AUTS2: variants seen among roughly 807,000 people sequenced by gnomAD.
The protein encoded by AUTS2 is autism susceptibility gene 2 protein.
A neutral mutation model predicts 112.4 loss-of-function variants in AUTS2; 17 were observed. The observed-to-expected ratio is 0.15, with a 90% CI of 0.10 to 0.23. The LOEUF (loss-of-function observed/expected upper bound fraction) is 0.23. Among genes scored for constraint, AUTS2 ranks in the 10% least tolerant of loss-of-function variants. The pLI is 1.00. For synonymous variants in AUTS2, 751 were observed against 702.7 expected, an observed-to-expected ratio of 1.07 and a Z score of -1.09; for missense variants, 1,510 against 1,701.6, an observed-to-expected ratio of 0.89 and a Z score of 1.98.
chr7:69,851,699 C>A (rs778204476), intron 1 of AUTS2, among the ~76,000 whole-genome samples: 3 of 152,086 alleles, frequency 2.0e-5, no homozygotes, highest in Non-Finnish European at 1.5e-5. Context: ...GCATACAGGT[C>A]CTATACATCT....
chr7:70,185,391 G>A (rs1809548231), intron 4 of AUTS2, among the ~76,000 whole-genome samples: 1 of 150,458 alleles, frequency 6.6e-6, no homozygotes, highest in Admixed American at 6.7e-5. Context: ...ACAGTTGTGA[G>A]CCACCGCACC....
intron 4 of AUTS2, among the ~76,000 whole-genome samples, chr7:70,336,100 AC>A (rs1162861174): frequency 6.6e-6 from 1 of 152,228 alleles, no homozygotes; most frequent in African/African-American, 2.4e-5. Flanking sequence ...AAGATGATTC[AC>A]AATCTTTTAT....
intron 2 of AUTS2, among the ~76,000 whole-genome samples, chr7:70,019,272 G>C (rs1008499347): frequency 9.2e-5 from 14 of 152,164 alleles, no homozygotes; most frequent in Non-Finnish European, 1.6e-4. Context: ...GAGGGTGGAA[G>C]GTGGGAGGAT....
chr7:69,726,264 G>A (rs1295296979), intron 1 of AUTS2, among the ~76,000 whole-genome samples: 1 of 152,010 alleles, frequency 6.6e-6, no homozygotes, highest in Non-Finnish European at 1.5e-5. Context: ...AGTTTTGCCT[G>A]TTCTTGAATT....
At chr7:69,738,698 T>TTA (rs1787139397) in intron 1 of AUTS2, among the ~76,000 whole-genome samples, 1 of 152,114 alleles carries the variant, frequency 6.6e-6, no homozygotes, top group Admixed American at 6.5e-5. Context: ...TTTGCTTGCG[T>TTA]TATACATGCT....
At chr7:69,828,254 A>G (rs556998807) in intron 1 of AUTS2, among the ~76,000 whole-genome samples, 12 of 152,300 alleles carry the variant, frequency 7.9e-5, no homozygotes, top group African/African-American at 2.9e-4. Flanking sequence ...CTGGCTGGAC[A>G]TGAGGGGAAA....
At chr7:69,841,757 A>G (rs762594554) in intron 1 of AUTS2, among the ~76,000 whole-genome samples, 7 of 152,224 alleles carry the variant, frequency 4.6e-5, no homozygotes, top group East Asian at 1.9e-4. Context: ...CTTAAAAATT[A>G]TAACTGCTGT....
At chr7:70,503,043 C>G (rs1798826953) in intron 5 of AUTS2, among the ~76,000 whole-genome samples, 1 of 152,064 alleles carries the variant, frequency 6.6e-6, no homozygotes, top group Non-Finnish European at 1.5e-5. Context: ...GTTGCAAGTG[C>G]TCCCCAGGGT....
chr7:69,740,676 A>G (rs1787226612), intron 1 of AUTS2, among the ~76,000 whole-genome samples: 1 of 152,092 alleles, frequency 6.6e-6, no homozygotes, highest in Non-Finnish European at 1.5e-5. Context: ...GGCGCCTGCC[A>G]CCATGCCTGG....
intron 4 of AUTS2, among the ~76,000 whole-genome samples, chr7:70,242,832 CAAAA>C (rs991854539): frequency 6.6e-6 from 1 of 151,942 alleles, no homozygotes; most frequent in Non-Finnish European, 1.5e-5. Flanking sequence ...AAGGAATAAG[CAAAA>C]AGAAAGAGAG....
chr7:69,706,122 T>G (rs1442206837), intron 1 of AUTS2, among the ~76,000 whole-genome samples: 3 of 152,210 alleles, frequency 2.0e-5, no homozygotes, highest in African/African-American at 7.2e-5. Flanking sequence ...CTGGCAGTTT[T>G]GTTTCACTCA....
chr7:70,614,561 T>C (rs934185415), intron 5 of AUTS2, among the ~76,000 whole-genome samples: 3 of 152,214 alleles, frequency 2.0e-5, no homozygotes, highest in African/African-American at 7.2e-5. Context: ...GATTGGAACT[T>C]GCTGCAGAGA....
chr7:70,053,688 C>A (rs1801865212), intron 2 of AUTS2, among the ~76,000 whole-genome samples: 2 of 152,048 alleles, frequency 1.3e-5, no homozygotes, highest in African/African-American at 4.8e-5. Flanking sequence ...TACAGGCATG[C>A]ACCACCACAG....
intron 1 of AUTS2, among the ~76,000 whole-genome samples, chr7:69,885,280 C>T (rs765912793): frequency 6.6e-6 from 1 of 152,154 alleles, no homozygotes; most frequent in Non-Finnish European, 1.5e-5. Flanking sequence ...AGTATATTTA[C>T]AGCTTCTTAT....
intron 5 of AUTS2, among the ~76,000 whole-genome samples, chr7:70,565,913 C>T (rs1801690567): frequency 2.0e-5 from 3 of 152,130 alleles, no homozygotes; most frequent in Non-Finnish European, 4.4e-5. Flanking sequence ...ACATACTGTA[C>T]ACAAACACTG....
At chr7:70,749,331 T>C (rs912255684) in intron 6 of AUTS2, among the ~76,000 whole-genome samples, 1 of 152,110 alleles carries the variant, frequency 6.6e-6, no homozygotes, top group East Asian at 1.9e-4. Flanking sequence ...CAAACTTGAA[T>C]GTGCATGGGG....
rs1563198075 is a variant in AUTS2, at chr7:70,784,927, TGTTTGACTTAAC to T, written c.2147-14_2147-3del. On this transcript the variant is annotated splice_polypyrimidine_tract_variant and splice_region_variant and intron_variant, in intron 15 of 18. Transcript: ENST00000342771. Reference sequence around the variant, plus strand: ...CTTTTTGTAAACTCTGGTTTCGTTATGTTTGACTTAACAGGTGCTGCACACCCAACTGGGACC... The same window carrying T: ...CTTTTTGTAAACTCTGGTTTCGTTATAGGTGCTGCACACCCAACTGGGACC... The T allele has an allele frequency of 6.2e-7, 1 of 1,613,848 alleles. No individual in the cohort carries two copies. Among genetic ancestry groups the T allele is most frequent in the East Asian group, 2.2e-5 (1 of 44,862 alleles).
chr7:70,640,421 G>GAAAAAAAAAAAA (rs57911940), intron 5 of AUTS2, among the ~76,000 whole-genome samples: 4 of 93,614 alleles, frequency 4.3e-5, no homozygotes, highest in Non-Finnish European at 5.8e-5. Flanking sequence ...CTCACAGGGG[G>GAAAAAAAAAAAA]AAAAAAAAAA....
At chr7:70,119,089 A>G (rs1805547103) in intron 3 of AUTS2, 1 of 150,874 alleles carries the variant, frequency 6.6e-6, no homozygotes. Flanking sequence ...TCCCAGGTTC[A>G]AGCTATTCTC....
Sources: allele counts gnomAD v4.1 joint callset (sites outside exome capture counted in the v4.1 genomes callset), GRCh38; gene constraint gnomAD v4.1.1; transcripts MANE v1.5; gene names NCBI Gene and HGNC (gene_info 2026-07-23, HGNC 2026-07-21).